The following MAGI1 variants were observed in gnomAD, a reference collection of about 807,000 sequenced individuals.
MAGI1 encodes membrane associated guanylate kinase, WW and PDZ domain containing 1.
A neutral mutation model predicts 139.9 loss-of-function variants in MAGI1; 58 were observed. That is an observed-to-expected ratio of 0.41 (90% CI 0.34 to 0.52). The LOEUF is 0.52. Among genes scored for constraint, MAGI1 ranks in the 20% least tolerant of loss-of-function variants. The probability of loss-of-function intolerance (pLI) is 0.12; values close to 1 mark genes in which losing one functional copy is unlikely to be tolerated. For missense variants in MAGI1, 1,874 were observed against 1,901.6 expected (o/e 0.99, Z 0.27); for synonymous variants, 812 against 737.9 (o/e 1.10, Z -1.63).
rs373136961 is a variant in MAGI1, at chr3:65,930,071, C to T, written c.313+107925G>A. On this transcript the variant is annotated intron_variant, in intron 1 of 22. Coordinates refer to ENST00000402939, the MANE Select transcript of MAGI1 (RefSeq NM_001033057.2). ...TTGGCTCACACCTGTAATCCCAGCA[C>T]TTTGGGAGGCCGAGGCGGGTGGATC... is the stretch of plus-strand genomic sequence containing the variant. Among the ~76,000 whole-genome samples, 990 of 152,122 alleles carry T rather than the reference C, an allele frequency of 6.5e-3. 10 individuals carry two copies. The highest frequency in any genetic ancestry group is 0.022 in the African/African-American group (926 of 41,518).
At chr3:65,954,277 G>A (rs182430659) in intron 1 of MAGI1, among the ~76,000 whole-genome samples, 21 of 152,266 alleles carry the variant, frequency 1.4e-4, no homozygotes, top group Admixed American at 1.3e-3. Context: ...AAAAACCTCT[G>A]AAGCCATTTG....
At chr3:65,483,206 A>C (rs1390662125) in intron 3 of MAGI1, among the ~76,000 whole-genome samples, 2 of 152,150 alleles carry the variant, frequency 1.3e-5, no homozygotes, top group Admixed American at 1.3e-4. Context: ...TGGCTGTCTT[A>C]TTTCAACTCT....
At chr3:65,714,569 C>G (rs1433446746) in intron 1 of MAGI1, among the ~76,000 whole-genome samples, 1 of 151,954 alleles carries the variant, frequency 6.6e-6, no homozygotes, top group Non-Finnish European at 1.5e-5. Context: ...TATCTCTGAC[C>G]CAAGAGTCTC....
chr3:66,012,703 C>CTGCA (rs1405203260), intron 1 of MAGI1, among the ~76,000 whole-genome samples: 1 of 149,878 alleles, frequency 6.7e-6, no homozygotes. Context: ...GAAGCAGAGG[C>CTGCA]TGCAGTAAGC....
chr3:65,878,772 C>A (rs761585240), intron 1 of MAGI1, among the ~76,000 whole-genome samples: 6 of 152,124 alleles, frequency 3.9e-5, no homozygotes, highest in Admixed American at 2.6e-4. Context: ...TAGCCCAGGG[C>A]CCTGCTCCTG....
At chr3:65,455,278 T>C (rs1473859122) in intron 5 of MAGI1, among the ~76,000 whole-genome samples, 1 of 152,078 alleles carries the variant, frequency 6.6e-6, no homozygotes, top group Non-Finnish European at 1.5e-5. Flanking sequence ...ATACAAAACA[T>C]TTTCATCATC....
intron 7 of MAGI1, among the ~76,000 whole-genome samples, chr3:65,445,066 A>C (rs1948593114): frequency 6.6e-6 from 1 of 152,176 alleles, no homozygotes; most frequent in South Asian, 2.1e-4. Flanking sequence ...CACTCTAAAG[A>C]CTCTTAAAAA....
chr3:65,864,599 G>A (rs1158734725), intron 1 of MAGI1, among the ~76,000 whole-genome samples: 1 of 152,202 alleles, frequency 6.6e-6, no homozygotes, highest in Non-Finnish European at 1.5e-5. Flanking sequence ...AGGAAAAACA[G>A]TACTTTTCAT....
chr3:65,665,169 A>G (rs1377407250), intron 1 of MAGI1, among the ~76,000 whole-genome samples: 1 of 152,176 alleles, frequency 6.6e-6, no homozygotes, highest in Non-Finnish European at 1.5e-5. Context: ...TACCTCTTTA[A>G]AACTTACCAG....
intron 2 of MAGI1, among the ~76,000 whole-genome samples, chr3:65,575,535 A>T (rs1299617633): frequency 6.6e-6 from 1 of 152,166 alleles, no homozygotes; most frequent in Non-Finnish European, 1.5e-5. Flanking sequence ...ACTCAAGAGA[A>T]ATGAAAGCAT....
intron 3 of MAGI1, among the ~76,000 whole-genome samples, chr3:65,484,180 A>G (rs904959475): frequency 6.6e-6 from 1 of 152,314 alleles, no homozygotes; most frequent in Non-Finnish European, 1.5e-5. Flanking sequence ...AGATCCATGG[A>G]TCACACTGTT....
rs560958750 is a variant in MAGI1, at chr3:65,643,341, G to T, written c.314-21253C>A. ...CATGCCAACTCAACAGCTCTTGTTA[G>T]TAAGTGTTCTGGATTATATAGTCAA... On this transcript the variant is annotated intron_variant, in intron 1 of 22. Coordinates refer to ENST00000402939, the MANE Select transcript of MAGI1 (RefSeq NM_001033057.2). Among the ~76,000 whole-genome samples the T allele has an allele frequency of 2.0e-5, 3 of 152,284 alleles. No homozygotes were observed. In the South Asian group the frequency reaches 6.2e-4, roughly 32 times the overall value.
At chr3:65,360,016 TGGCCATGTCTATAGG>T in intron 22 of MAGI1, 1 of 985,352 alleles carries the variant, frequency 1.0e-6, no homozygotes, top group Non-Finnish European at 1.2e-6. Flanking sequence ...CCCCTGTGGT[TGGCCATGTCTATAGG>T]GGCCTTGTCT....
At chr3:65,783,893 C>A (rs572382382) in intron 1 of MAGI1, among the ~76,000 whole-genome samples, 30 of 152,110 alleles carry the variant, frequency 2.0e-4, no homozygotes, top group African/African-American at 6.7e-4. Flanking sequence ...GAGGCCGAGG[C>A]AGATGGACCA....
chr3:65,646,885 G>A (rs944684963), intron 1 of MAGI1, among the ~76,000 whole-genome samples: 8 of 151,902 alleles, frequency 5.3e-5, no homozygotes, highest in African/African-American at 1.2e-4. Context: ...ACAATTACAC[G>A]TAAAGCAGTG....
At chr3:65,704,804 C>G (rs2089845767) in intron 1 of MAGI1, among the ~76,000 whole-genome samples, 1 of 151,788 alleles carries the variant, frequency 6.6e-6, no homozygotes. Context: ...TGAGCTAAAT[C>G]TCTCTCCTTC....
chr3:65,404,630 T>C (rs1945185606), intron 12 of MAGI1, among the ~76,000 whole-genome samples: 1 of 152,238 alleles, frequency 6.6e-6, no homozygotes, highest in Admixed American at 6.5e-5. Context: ...TAAAATCTAA[T>C]ACATATGAAT....
At chr3:65,720,852 A>C (rs1299855214) in intron 1 of MAGI1, among the ~76,000 whole-genome samples, 2 of 151,916 alleles carry the variant, frequency 1.3e-5, no homozygotes, top group Non-Finnish European at 2.9e-5. Context: ...CAGGTTCAAG[A>C]GAACCTCCCA....
chr3:65,397,925 AT>A (rs1431844061), intron 13 of MAGI1, among the ~76,000 whole-genome samples: 3 of 152,110 alleles, frequency 2.0e-5, no homozygotes, highest in Non-Finnish European at 4.4e-5. Flanking sequence ...TTCTTATCCA[AT>A]ATTGGCACTG....
Sources: allele counts gnomAD v4.1 joint callset (sites outside exome capture counted in the v4.1 genomes callset), GRCh38; gene constraint gnomAD v4.1.1; transcripts MANE v1.5; gene names NCBI Gene and HGNC (gene_info 2026-07-23, HGNC 2026-07-21).